The following TIAM2 variants were observed in gnomAD, a reference collection of about 807,000 sequenced individuals.
TIAM2 encodes the protein rho guanine nucleotide exchange factor TIAM2.
TIAM2 carries 80 observed loss-of-function variants against 152.9 expected under a neutral mutation model. That is an observed-to-expected ratio of 0.52 (90% CI 0.44 to 0.63). The LOEUF is 0.63. TIAM2 is among the 30% of genes least tolerant of loss of function. The pLI is 0.00. For synonymous variants in TIAM2, 804 were observed against 838.0 expected (o/e 0.96, Z 0.70); for missense variants, 1,965 against 2,120.1 (o/e 0.93, Z 1.44).
chr6:155,030,195 G>A (rs916124519), intron 1 of TIAM2, among the ~76,000 whole-genome samples: 1 of 152,114 alleles, frequency 6.6e-6, no homozygotes, highest in Admixed American at 6.6e-5. Flanking sequence ...AGTTTGGGGA[G>A]GGAGGAGAGG....
At chr6:155,100,030 C>G (rs989096308) in intron 2 of TIAM2, among the ~76,000 whole-genome samples, 4 of 143,830 alleles carry the variant, frequency 2.8e-5, no homozygotes, top group Middle Eastern at 3.4e-3. Context: ...TCACGTGGAA[C>G]CACCGTATAT....
At chr6:155,160,337 C>A (rs1037154819) in intron 7 of TIAM2, among the ~76,000 whole-genome samples, 2 of 152,124 alleles carry the variant, frequency 1.3e-5, no homozygotes, top group Non-Finnish European at 2.9e-5. Flanking sequence ...GGGTGTCAGC[C>A]TTTTTGTCCT....
intron 15 of TIAM2, among the ~76,000 whole-genome samples, chr6:155,239,910 TCTTCATCTGCTTCTA>T (rs1208096272): frequency 6.6e-6 from 1 of 152,200 alleles, no homozygotes; most frequent in Admixed American, 6.5e-5. Flanking sequence ...GGTGTTACCA[TCTTCATCTGCTTCTA>T]CTCCATTACT....
rs201304466 is a variant in TIAM2 at position 155,176,929 on chromosome 6, G to A, written c.2475G>A (p.Gly825=). 7 of 1,613,832 alleles carry A rather than the reference G, an allele frequency of 4.3e-6. No individual in the cohort carries two copies. Among genetic ancestry groups the A allele is most frequent in the Non-Finnish European group, 8.5e-7 (1 of 1,179,950 alleles). The change falls in exon 10 of 27, where the codon GGG becomes GGA. Residue 825 remains glycine, a synonymous_variant. Transcript: ENST00000682666. ...AGGACAATCACGGAGTTACTGTAGG[G>A]ATCAAGCCAGAGCACAGAGTAGAAG... The part of the protein sequence containing the change: ...HFQDNHGVTV[G]IKPEHRVEDI...
At position 155,205,560 on chromosome 6, in the gene TIAM2, CT is replaced by C. The variant is rs558872555; in HGVS notation, c.3065-5641del. On this transcript the variant is annotated intron_variant, in intron 14 of 26. Coordinates refer to ENST00000682666, the MANE Select transcript of TIAM2 (RefSeq NM_012454.4). ...GTGGGTGTCCAGGGACTACAAAGAA[CT>C]TTCTTGCCTAGTCTCTTGCTGCCTG... Among the ~76,000 whole-genome samples, 497 of 152,300 alleles carry C rather than the reference CT, an allele frequency of 3.3e-3. 3 individuals are homozygous for C. The highest frequency in any genetic ancestry group is 0.011 in the African/African-American group (474 of 41,544).
At chr6:155,034,792 T>C (rs1009039438) in intron 1 of TIAM2, among the ~76,000 whole-genome samples, 4 of 152,176 alleles carry the variant, frequency 2.6e-5, no homozygotes, top group Non-Finnish European at 4.4e-5. Context: ...ACACAATATA[T>C]ATTGGCTTAT....
Position 155,182,271 on chromosome 6 carries a change from G to A in TIAM2, c.2753G>A (p.Arg918Gln), listed in dbSNP as rs776715966. ...GTGGATGAGCGTCAGCATCTCAGCC[G>A]GATATTTATAAGCGACGTTCTTCCC... ...AQVDERQHLSRIFISDVLPDG... is the reference protein window; with the variant it reads ...AQVDERQHLSQIFISDVLPDG... The change falls in exon 13 of 27, where the codon CGG becomes CAG. Residue 918 changes from arginine to glutamine, a missense_variant. Arg to Gln is a conservative substitution (Grantham distance 43). Around this residue, in one of 3 missense-constraint regions of TIAM2, gnomAD observed 935 missense variants for 980.0 expected, o/e 0.95. Transcript: ENST00000682666. 18 of 1,614,138 alleles carry A rather than the reference G, an allele frequency of 1.1e-5. No individual in the cohort carries two copies. The highest frequency in any genetic ancestry group is 2.2e-5 in the East Asian group (1 of 44,888).
intron 22 of TIAM2, among the ~76,000 whole-genome samples, chr6:155,251,706 C>T (rs1216038497): frequency 6.6e-6 from 1 of 152,154 alleles, no homozygotes; most frequent in African/African-American, 2.4e-5. Flanking sequence ...TTCAATAAAA[C>T]AAAGAGTTTA....
intron 1 of TIAM2, among the ~76,000 whole-genome samples, chr6:155,070,025 G>T (rs1777801800): frequency 6.7e-6 from 1 of 149,448 alleles, no homozygotes; most frequent in African/African-American, 2.5e-5. Flanking sequence ...CTGTGCCTCA[G>T]CCTCCCGAGT....
chr6:155,237,419 G>T (rs758274770), intron 15 of TIAM2, among the ~76,000 whole-genome samples: 1 of 152,232 alleles, frequency 6.6e-6, no homozygotes, highest in Non-Finnish European at 1.5e-5. Context: ...GATGTCAGTG[G>T]ATCTGGGCTC....
Position 155,245,650 on chromosome 6 carries a change from T to C in TIAM2, c.3571T>C (p.Phe1191Leu). 1 of 1,614,146 alleles carries C rather than the reference T, an allele frequency of 6.2e-7. No individual in the cohort carries two copies. The highest frequency in any genetic ancestry group is 1.3e-5 in the African/African-American group (1 of 75,052). Residue 1191 changes from phenylalanine to leucine, a missense_variant, in exon 19 of 27, where the codon TTC becomes CTC. Transcript: ENST00000682666. ...RKLLFSLGGS[F>L]LYYADHFKLY... ...ATTACTGTTTTCCCTTGGAGGCTCT[T>C]TCCTTTATTACGCGGACCACTTTAA... is the stretch of plus-strand genomic sequence containing the variant.
intron 2 of TIAM2, among the ~76,000 whole-genome samples, chr6:155,114,945 A>G (rs1778975883): frequency 6.6e-6 from 1 of 152,056 alleles, no homozygotes; most frequent in African/African-American, 2.4e-5. Flanking sequence ...CTCCTGTCTC[A>G]GCCTCCCAAG....
chr6:155,189,921 G>A (rs1349597799), intron 14 of TIAM2, among the ~76,000 whole-genome samples: 1 of 152,104 alleles, frequency 6.6e-6, no homozygotes, highest in African/African-American at 2.4e-5. Flanking sequence ...GGAGGTGTGT[G>A]GTGGGGGGAT....
At chr6:155,127,914 T>C (rs1562325113) in intron 3 of TIAM2, among the ~76,000 whole-genome samples, 2 of 152,190 alleles carry the variant, frequency 1.3e-5, no homozygotes, top group Non-Finnish European at 2.9e-5. Flanking sequence ...TGCCTGTAGT[T>C]CCAGCTACTT....
intron 1 of TIAM2, among the ~76,000 whole-genome samples, chr6:155,030,823 G>C (rs1040632528): frequency 3.9e-5 from 6 of 152,172 alleles, no homozygotes; most frequent in Non-Finnish European, 7.3e-5. Flanking sequence ...TAGCCTTCCA[G>C]ACAATGAGAT....
intron 9 of TIAM2, among the ~76,000 whole-genome samples, chr6:155,173,721 T>G (rs1780693260): frequency 6.6e-6 from 1 of 152,238 alleles, no homozygotes; most frequent in Non-Finnish European, 1.5e-5. Context: ...ACAAAGCCTC[T>G]GCTGGTATTC....
chr6:155,141,652 C>T lies in TIAM2; in HGVS notation c.1631-2954C>T, dbSNP rs560457037. 3.3e-5 allele frequency among the ~76,000 whole-genome samples: 5 copies of T among 152,266 alleles called. No individual in the cohort carries two copies. In the South Asian group the frequency reaches 1.0e-3, roughly 32 times the overall value. On this transcript the variant is annotated intron_variant, in intron 5 of 26. Coordinates refer to ENST00000682666, the MANE Select transcript of TIAM2 (RefSeq NM_012454.4). ...AGTGAGTGGATTTTCATGCAGTTCA[C>T]TGGGGACTTCCTGGGCTGAAGAGTT...
At chr6:155,245,755 G>GTTTTT (rs11435976) in intron 19 of TIAM2, 24 bp downstream of exon 19, 147,965 of 1,001,362 alleles carry the variant, frequency 0.15, 7,502 homozygotes, top group Middle Eastern at 0.18. Flanking sequence ...GCCTTTTATA[G>GTTTTT]TTTTTTTTTT....
chr6:155,114,744 C>G (rs753754647), intron 2 of TIAM2, among the ~76,000 whole-genome samples: 5 of 151,940 alleles, frequency 3.3e-5, no homozygotes, highest in African/African-American at 1.2e-4. Flanking sequence ...AAAAAAATAC[C>G]CTTAGAGAAG....
Sources: allele counts gnomAD v4.1 joint callset (sites outside exome capture counted in the v4.1 genomes callset), GRCh38; gene constraint gnomAD v4.1.1; regional missense constraint gnomAD v4.1.1; transcripts MANE v1.5; gene names NCBI Gene and HGNC (gene_info 2026-07-23, HGNC 2026-07-21).